Variants in STXBP5L observed in about 807,000 individuals in gnomAD.
STXBP5L encodes syntaxin binding protein 5L.
Under a neutral mutation model 144.5 loss-of-function variants are expected in STXBP5L, and 65 were observed. The observed-to-expected ratio is 0.45, with a 90% CI of 0.37 to 0.55. The LOEUF (loss-of-function observed/expected upper bound fraction) is 0.55. Among genes scored for constraint, STXBP5L ranks in the 20% least tolerant of loss-of-function variants. STXBP5L has a pLI of 0.00. For missense variants in STXBP5L, 1,298 were observed against 1,405.5 expected (o/e 0.92, Z 1.22); for synonymous variants, 505 against 469.6 (o/e 1.08, Z -0.97).
At chr3:120,948,702 A>G (rs1027221897) in intron 2 of STXBP5L, among the ~76,000 whole-genome samples, 1 of 151,848 alleles carries the variant, frequency 6.6e-6, no homozygotes, top group Non-Finnish European at 1.5e-5. Flanking sequence ...ATGGTCTCCA[A>G]CTCCACCCAG....
chr3:120,930,672 T>G (rs1347837992), intron 2 of STXBP5L, among the ~76,000 whole-genome samples: 1 of 152,200 alleles, frequency 6.6e-6, no homozygotes, highest in East Asian at 1.9e-4. Flanking sequence ...GTATATAGTA[T>G]GACTCCAAAA....
intron 19 of STXBP5L, among the ~76,000 whole-genome samples, chr3:121,297,632 T>C (rs1559946996): frequency 6.6e-6 from 1 of 152,258 alleles, no homozygotes; most frequent in East Asian, 1.9e-4. Context: ...CTCATGCCTG[T>C]AGTCTCAGCT....
At chr3:121,152,973 T>C (rs1037988101) in intron 8 of STXBP5L, among the ~76,000 whole-genome samples, 7 of 152,076 alleles carry the variant, frequency 4.6e-5, no homozygotes, top group African/African-American at 7.2e-5. Context: ...GAAAATTCCT[T>C]TTCAGTGGCA....
intron 3 of STXBP5L, among the ~76,000 whole-genome samples, chr3:121,017,860 T>C (rs748940427): frequency 6.6e-6 from 1 of 152,112 alleles, no homozygotes. Flanking sequence ...GAGGATTTCT[T>C]GAGGCCAGGA....
intron 9 of STXBP5L, among the ~76,000 whole-genome samples, chr3:121,187,114 C>A (rs951506487): frequency 6.6e-6 from 1 of 152,030 alleles, no homozygotes; most frequent in East Asian, 1.9e-4. Context: ...CACATGCACA[C>A]GTATGTTTAT....
At chr3:121,078,907 C>T (rs765888429) in intron 5 of STXBP5L, among the ~76,000 whole-genome samples, 14 of 152,372 alleles carry the variant, frequency 9.2e-5, no homozygotes, top group African/African-American at 2.4e-4. Context: ...AATTGCCACG[C>T]GCAGCCCCAG....
At chr3:121,058,573 C>G (rs910530597) in intron 5 of STXBP5L, among the ~76,000 whole-genome samples, 9 of 152,214 alleles carry the variant, frequency 5.9e-5, no homozygotes, top group Non-Finnish European at 1.2e-4. Flanking sequence ...AATGGCTGAA[C>G]TAATTTACAC....
At chr3:120,929,587 A>G (rs189268501) in intron 2 of STXBP5L, among the ~76,000 whole-genome samples, 158 of 152,200 alleles carry the variant, frequency 1.0e-3, no homozygotes, top group Non-Finnish European at 1.8e-3. Context: ...TAATGCTTTT[A>G]CGAACATCTG....
chr3:121,025,040 C>A (rs1176784389), intron 3 of STXBP5L, among the ~76,000 whole-genome samples: 3 of 152,016 alleles, frequency 2.0e-5, no homozygotes, highest in African/African-American at 7.2e-5. Flanking sequence ...AATTCCAAAG[C>A]AAGGCACTAA....
intron 19 of STXBP5L, among the ~76,000 whole-genome samples, chr3:121,314,095 C>T (rs542680114): frequency 0.045 from 5,154 of 113,962 alleles, no homozygotes; most frequent in East Asian, 0.14. Context: ...CGGGCAGAGA[C>T]GCTCCTCACT....
At chr3:121,087,670 A>G (rs1242013229) in intron 5 of STXBP5L, among the ~76,000 whole-genome samples, 1 of 151,998 alleles carries the variant, frequency 6.6e-6, no homozygotes, top group African/African-American at 2.4e-5. Context: ...AGATATAATT[A>G]TTGATATATT....
At chr3:121,296,928 G>A (rs2051675601) in intron 19 of STXBP5L, among the ~76,000 whole-genome samples, 1 of 152,168 alleles carries the variant, frequency 6.6e-6, no homozygotes, top group Admixed American at 6.5e-5. Flanking sequence ...TTAATGTGCT[G>A]TATTCTGGGG....
intron 3 of STXBP5L, among the ~76,000 whole-genome samples, chr3:120,992,165 AGATT>A (rs1942959536): frequency 6.6e-6 from 1 of 152,050 alleles, no homozygotes; most frequent in African/African-American, 2.4e-5. Flanking sequence ...ATTTATTTTT[AGATT>A]GATTCTTAAT....
intron 3 of STXBP5L, among the ~76,000 whole-genome samples, chr3:121,023,121 A>T (rs1945681583): frequency 6.6e-6 from 1 of 152,066 alleles, no homozygotes; most frequent in African/African-American, 2.4e-5. Flanking sequence ...CAAGTTGAGA[A>T]TGAAATCAAG....
chr3:120,964,675 A>G (rs943320212), intron 3 of STXBP5L, among the ~76,000 whole-genome samples: 1 of 152,152 alleles, frequency 6.6e-6, no homozygotes, highest in Admixed American at 6.5e-5. Context: ...ATTGCTGAGG[A>G]GTGCTTTAGT....
At chr3:121,316,048 T>A (rs980126027) in intron 19 of STXBP5L, among the ~76,000 whole-genome samples, 1 of 152,026 alleles carries the variant, frequency 6.6e-6, no homozygotes, top group African/African-American at 2.4e-5. Flanking sequence ...TGAAATTGTG[T>A]ATTTTTTAAT....
chr3:121,233,813 A>C, intron 12 of STXBP5L, 125 bp downstream of exon 12: 3 of 729,432 alleles, frequency 4.1e-6, no homozygotes, highest in Non-Finnish European at 6.2e-6. Flanking sequence ...ACAGAAATGC[A>C]CTTTGGTTCA....
chr3:120,984,528 G>T (rs1296164873), intron 3 of STXBP5L, among the ~76,000 whole-genome samples: 2 of 151,420 alleles, frequency 1.3e-5, no homozygotes, highest in African/African-American at 4.9e-5. Flanking sequence ...TTTTTTTGGT[G>T]GGGGGAATCT....
chr3:121,153,500 A>G (rs192571728), intron 8 of STXBP5L, among the ~76,000 whole-genome samples: 1 of 152,146 alleles, frequency 6.6e-6, no homozygotes, highest in East Asian at 1.9e-4. Flanking sequence ...TTAGAAAATG[A>G]AACACACACA....
Sources: allele counts gnomAD v4.1 joint callset (sites outside exome capture counted in the v4.1 genomes callset), GRCh38; gene constraint gnomAD v4.1.1; transcripts MANE v1.5; gene names NCBI Gene and HGNC (gene_info 2026-07-23, HGNC 2026-07-21).